Variants in MARCHF6 observed in about 807,000 individuals in gnomAD.
MARCHF6 encodes the protein E3 ubiquitin-protein ligase MARCHF6.
MARCHF6 carries 31 observed loss-of-function variants against 133.7 expected under a neutral mutation model. The observed-to-expected ratio is 0.23, with a 90% CI of 0.17 to 0.31. The LOEUF (loss-of-function observed/expected upper bound fraction) is 0.31. MARCHF6 is among the 10% of genes least tolerant of loss of function. The pLI is 1.00. For synonymous variants in MARCHF6, 395 were observed against 402.5 expected (o/e 0.98, Z 0.22); for missense variants, 723 against 1,121.6 (o/e 0.64, Z 5.08).
rs1230453040 is a variant in MARCHF6 at position 10,434,074 on chromosome 5, G to A, written c.*390G>A. Reference sequence around the variant, plus strand: ...TGCGCAGGCAAGACTTTTCAGTGACGCCTTGTGGAACGCAGTTCATGATGT... The same window carrying A: ...TGCGCAGGCAAGACTTTTCAGTGACACCTTGTGGAACGCAGTTCATGATGT... On this transcript the variant is annotated 3_prime_UTR_variant, in exon 26 of 26. Transcript: ENST00000274140. 1 of 185,242 alleles carries A rather than the reference G, an allele frequency of 5.4e-6. No homozygotes were observed. The highest frequency in any genetic ancestry group is 1.1e-5 in the Non-Finnish European group (1 of 87,634). The allele number at this position is 185,242 out of a possible 1,614,324, so 11.5% of individuals were successfully genotyped here.
In MARCHF6 at chr5:10,434,708, G is replaced by A. The variant is rs1740526123; in HGVS notation, c.*1024G>A. 6.6e-6 allele frequency: 1 copy of A among 152,572 alleles called. No homozygotes were observed. Among genetic ancestry groups the A allele is most frequent in the African/African-American group, 2.4e-5 (1 of 41,404 alleles). The allele number at this position is 152,572 out of a possible 1,614,324, so 9.5% of individuals were successfully genotyped here. On this transcript the variant is annotated 3_prime_UTR_variant, in exon 26 of 26. Transcript: ENST00000274140. Reference sequence around the variant, plus strand: ...TAGAGAAGACTGGTTAGAACATCTGGTCTCGCTGGTTAGTGCCTCGTTGGC... The same window carrying A: ...TAGAGAAGACTGGTTAGAACATCTGATCTCGCTGGTTAGTGCCTCGTTGGC...
At chr5:10,396,740 T>C (rs1738213810) in intron 9 of MARCHF6, among the ~76,000 whole-genome samples, 1 of 151,984 alleles carries the variant, frequency 6.6e-6, no homozygotes, top group Admixed American at 6.6e-5. Flanking sequence ...CTGTGGGAGG[T>C]GACCAGATGG....
chr5:10,428,591 C>A (rs571214382), intron 24 of MARCHF6, among the ~76,000 whole-genome samples: 11 of 152,246 alleles, frequency 7.2e-5, no homozygotes, highest in Admixed American at 2.0e-4. Flanking sequence ...ATCCACCCCC[C>A]TCGGCCGCCC....
Position 10,405,564 on chromosome 5 carries a change from C to T in MARCHF6, c.1339C>T (p.Arg447Ter), listed in dbSNP as rs750375412. 6.3e-7 allele frequency: 1 copy of T among 1,595,316 alleles called. No homozygotes were observed. The highest frequency in any genetic ancestry group is 8.5e-7 in the Non-Finnish European group (1 of 1,174,294). ...SFILLLREVL[R>*]PGVLWFLRNL... Reference sequence around the variant, plus strand: ...ATTTAAAATATATTTGCAGGTACTTCGACCTGGTGTCCTGTGGTTTCTAAG... The same window carrying T: ...ATTTAAAATATATTTGCAGGTACTTTGACCTGGTGTCCTGTGGTTTCTAAG... Residue 447 changes from arginine to a stop codon, truncating the protein, a stop_gained, in exon 16 of 26, where the codon CGA becomes TGA. Transcript: ENST00000274140. LOFTEE classifies it high-confidence loss of function.
At chr5:10,420,533 AC>A (rs899976954) in intron 22 of MARCHF6, among the ~76,000 whole-genome samples, 27 of 152,214 alleles carry the variant, frequency 1.8e-4, no homozygotes, top group Non-Finnish European at 2.5e-4. Flanking sequence ...TTTTAATGTT[AC>A]GCAGCATGAG....
chr5:10,400,765 A>AT lies in MARCHF6; in HGVS notation c.914-13dup, dbSNP rs775983865. 3.7e-6 allele frequency: 6 copies of AT among 1,601,526 alleles called. No individual in the cohort carries two copies. The highest frequency in any genetic ancestry group is 2.7e-5 in the African/African-American group (2 of 74,454). ...GTTTTGATGTCGGAGTTTTCATGGAATTTTTTCCCCCTTTTTAGCATTTTG... is the reference window on the plus strand; with the variant it reads ...GTTTTGATGTCGGAGTTTTCATGGAATTTTTTTCCCCCTTTTTAGCATTTTG... On this transcript the variant is annotated intron_variant, in intron 10 of 25. Transcript: ENST00000274140.
chr5:10,417,477 G>T (rs2967956), intron 22 of MARCHF6, 73 bp downstream of exon 22: 1,560,376 of 1,594,918 alleles, frequency 0.98, 764,174 homozygotes, highest in East Asian at 1. Context: ...GCCAGGCATG[G>T]GGCTTACGCC....
At chr5:10,407,961 C>CT (rs112826326) in intron 17 of MARCHF6, among the ~76,000 whole-genome samples, 1 of 142,356 alleles carries the variant, frequency 7.0e-6, no homozygotes, top group African/African-American at 2.6e-5. Context: ...CATCCCCCCC[C>CT]CCCCAAAAAA....
At chr5:10,377,346 CT>C (rs1484328522) in intron 1 of MARCHF6, among the ~76,000 whole-genome samples, 1 of 152,132 alleles carries the variant, frequency 6.6e-6, no homozygotes, top group African/African-American at 2.4e-5. Context: ...ACATGAAAAG[CT>C]TGTCTTCTAA....
intron 24 of MARCHF6, among the ~76,000 whole-genome samples, chr5:10,428,908 G>C (rs370621932): frequency 2.0e-5 from 3 of 152,212 alleles, no homozygotes; most frequent in African/African-American, 7.2e-5. Flanking sequence ...GAAAAATGTT[G>C]GTACCTGTTT....
chr5:10,378,992 T>C (rs1387123969), intron 3 of MARCHF6, among the ~76,000 whole-genome samples, 160 bp downstream of exon 3: 3 of 152,192 alleles, frequency 2.0e-5, no homozygotes, highest in Admixed American at 6.5e-5. Flanking sequence ...ATAGGAAGTA[T>C]TGATATTTAG....
intron 18 of MARCHF6, 24 bp downstream of exon 18, chr5:10,410,300 T>C (rs1267224255): frequency 6.2e-7 from 1 of 1,608,010 alleles, no homozygotes; most frequent in South Asian, 1.1e-5. Flanking sequence ...GCTGACTCCT[T>C]GGACATGCAT....
chr5:10,430,071 C>T, intron 25 of MARCHF6, 43 bp downstream of exon 25: 1 of 1,574,658 alleles, frequency 6.4e-7, no homozygotes, highest in South Asian at 1.1e-5. Flanking sequence ...AGTGTTTTCA[C>T]TTCTTAATTT....
In MARCHF6 at chr5:10,434,269, A is replaced by G. The variant is rs1740500826; in HGVS notation, c.*585A>G. The G allele has an allele frequency of 6.5e-6, 1 of 153,422 alleles. No individual in the cohort carries two copies. The highest frequency in any genetic ancestry group is 2.4e-5 in the African/African-American group (1 of 41,458). 9.5% of individuals were successfully genotyped at this position (153,422 alleles called of 1,614,324 possible). ...GTTTGTGGAAGTTATTTTGTATAAC[A>G]CCAAAGCTGTTGTACATTTCCTACT... On this transcript the variant is annotated 3_prime_UTR_variant, in exon 26 of 26. Transcript: ENST00000274140.
In MARCHF6 at chr5:10,400,933, C is replaced by T. The variant is rs1357080598; in HGVS notation, c.972+91C>T. On this transcript the variant is annotated intron_variant, in intron 11 of 25. Transcript: ENST00000274140. The stretch of plus-strand genomic sequence containing the variant: ...AGTATTCTAAAGAGTTACATCATTT[C>T]TTCATTGGCATTATGCAAGGGAATA... 11 of 1,030,154 alleles carry T rather than the reference C, an allele frequency of 1.1e-5. No individual in the cohort carries two copies. In the South Asian group the frequency reaches 1.2e-4, roughly 11 times the overall value. 63.8% of individuals were successfully genotyped at this position (1,030,154 alleles called of 1,614,324 possible).
intron 9 of MARCHF6, 115 bp from the exon 10 acceptor site, chr5:10,397,178 A>G (rs1669809721): frequency 2.9e-6 from 2 of 677,970 alleles, no homozygotes; most frequent in Non-Finnish European, 2.4e-6. Context: ...ATAGAGGGAA[A>G]ATTTCAATCT....
intron 24 of MARCHF6, among the ~76,000 whole-genome samples, chr5:10,429,473 C>A (rs1347137691): frequency 6.6e-6 from 1 of 151,296 alleles, no homozygotes; most frequent in Non-Finnish European, 1.5e-5. Context: ...ATCTCGGCTC[C>A]CTGCAACCTC....
At chr5:10,392,873 G>C (rs1737954736) in intron 7 of MARCHF6, among the ~76,000 whole-genome samples, 1 of 151,984 alleles carries the variant, frequency 6.6e-6, no homozygotes, top group Non-Finnish European at 1.5e-5. Context: ...AGTTCTACTT[G>C]GCAGCCTGAT....
chr5:10,377,056 C>T (rs1292474013), intron 1 of MARCHF6, among the ~76,000 whole-genome samples: 1 of 152,104 alleles, frequency 6.6e-6, no homozygotes, highest in Admixed American at 6.6e-5. Context: ...GCGAAGGATC[C>T]GTCGCGGTTC....
Sources: allele counts gnomAD v4.1 joint callset (sites outside exome capture counted in the v4.1 genomes callset), GRCh38; gene constraint gnomAD v4.1.1; transcripts MANE v1.5; gene names NCBI Gene and HGNC (gene_info 2026-07-23, HGNC 2026-07-21).